The following SPIDR variants were observed in gnomAD, a reference collection of about 807,000 sequenced individuals.
The protein encoded by SPIDR is scaffold protein involved in DNA repair.
Under a neutral mutation model 104.6 loss-of-function variants are expected in SPIDR, and 93 were observed. The ratio of observed to expected loss-of-function variants is 0.89; its 90% CI spans 0.75 to 1.06. The LOEUF (loss-of-function observed/expected upper bound fraction) is 1.06. Ranked by LOEUF, SPIDR falls within the 50% of genes least tolerant of loss-of-function variation. The pLI, the probability that SPIDR is intolerant of heterozygous loss-of-function variation, is 0.00. For synonymous variants in SPIDR, 431 were observed against 416.9 expected (o/e 1.03, Z -0.41); for missense variants, 1,154 against 1,111.2 (o/e 1.04, Z -0.55).
intron 10 of SPIDR, chr8:47,654,114 G>A (rs1384697157): frequency 7.8e-7 from 1 of 1,289,846 alleles, no homozygotes; most frequent in Non-Finnish European, 1.0e-6. Context: ...GAGGCATGCA[G>A]GAGCCATTGG....
At position 47,656,238 on chromosome 8, in the gene SPIDR, G is replaced by A. The variant is rs527558919; in HGVS notation, c.1545-17563G>A. On this transcript the variant is annotated intron_variant, in intron 10 of 19. Transcript: ENST00000297423. ...CTTCATCGAAATTAAAAACTTTAAC[G>A]TCTCAAAAAACAAATTTGCAAATCA... Among the ~76,000 whole-genome samples the A allele has an allele frequency of 4.6e-5, 7 of 152,082 alleles. No individual in the cohort carries two copies. In the East Asian group the frequency reaches 5.8e-4, roughly 13 times the overall value.
intron 10 of SPIDR, among the ~76,000 whole-genome samples, chr8:47,628,070 G>T (rs1216267092): frequency 6.6e-6 from 1 of 152,104 alleles, no homozygotes; most frequent in African/African-American, 2.4e-5. Context: ...TTAAAATGCA[G>T]GAACTCCCTA....
chr8:47,673,798 C>CA lies in SPIDR; in HGVS notation c.1545-2dup, dbSNP rs1359275114. On this transcript the variant is annotated splice_polypyrimidine_tract_variant and splice_region_variant and intron_variant, in intron 10 of 19. Coordinates refer to ENST00000297423, the MANE Select transcript of SPIDR (RefSeq NM_001080394.4). ...AAAGACAAATGTGAATGGTTTTTTA[C>CA]AGAGCCTGCCTTCTGGTACAAGATG... 1 of 1,614,020 alleles carries CA rather than the reference C, an allele frequency of 6.2e-7. No individual in the cohort carries two copies. Among genetic ancestry groups the CA allele is most frequent in the South Asian group, 1.1e-5 (1 of 91,078 alleles).
At chr8:47,384,601 G>T (rs2059674494) in intron 5 of SPIDR, among the ~76,000 whole-genome samples, 1 of 152,122 alleles carries the variant, frequency 6.6e-6, no homozygotes, top group African/African-American at 2.4e-5. Flanking sequence ...TTCCCTTGAA[G>T]AAACTCTGCT....
intron 10 of SPIDR, among the ~76,000 whole-genome samples, chr8:47,613,880 T>C (rs1443588389): frequency 6.6e-6 from 1 of 152,212 alleles, no homozygotes; most frequent in East Asian, 1.9e-4. Context: ...TTATTTTAAG[T>C]TCCAGGTTAC....
intron 8 of SPIDR, among the ~76,000 whole-genome samples, chr8:47,549,880 A>C (rs2090155057): frequency 1.3e-5 from 2 of 152,112 alleles, no homozygotes; most frequent in South Asian, 4.1e-4. Flanking sequence ...GTTTTCTTCT[A>C]GGGTTTTTAT....
At chr8:47,568,934 A>G (rs2058207811) in intron 8 of SPIDR, among the ~76,000 whole-genome samples, 1 of 152,194 alleles carries the variant, frequency 6.6e-6, no homozygotes, top group Non-Finnish European at 1.5e-5. Flanking sequence ...TTAAAAATGG[A>G]AAAAATGTAA....
At chr8:47,601,477 C>T (rs975382199) in intron 10 of SPIDR, among the ~76,000 whole-genome samples, 1 of 152,120 alleles carries the variant, frequency 6.6e-6, no homozygotes, top group Non-Finnish European at 1.5e-5. Context: ...GGGCGGATCT[C>T]GAGGTCAGGG....
intron 8 of SPIDR, among the ~76,000 whole-genome samples, chr8:47,583,305 CAAAA>C (rs34756645): frequency 1.8e-5 from 2 of 111,134 alleles, no homozygotes; most frequent in Non-Finnish European, 1.8e-5. Context: ...GACTCCATCT[CAAAA>C]AAAAAAAAAA....
At chr8:47,504,802 A>C (rs2081213922) in intron 8 of SPIDR, among the ~76,000 whole-genome samples, 1 of 152,198 alleles carries the variant, frequency 6.6e-6, no homozygotes, top group South Asian at 2.1e-4. Context: ...AGTGACGTAC[A>C]GATGGGGTTT....
intron 8 of SPIDR, among the ~76,000 whole-genome samples, chr8:47,506,924 G>T (rs926222389): frequency 2.0e-5 from 3 of 152,196 alleles, no homozygotes; most frequent in Non-Finnish European, 4.4e-5. Context: ...GCTGAGCTCT[G>T]TGCAGGGAGG....
chr8:47,571,005 T>G (rs926560265), intron 8 of SPIDR, among the ~76,000 whole-genome samples: 8 of 151,608 alleles, frequency 5.3e-5, no homozygotes, highest in Non-Finnish European at 1.2e-4. Context: ...ACAGGAGAAT[T>G]GCTTGAACCC....
chr8:47,673,895 T>C lies in SPIDR; in HGVS notation c.1639T>C (p.Cys547Arg), dbSNP rs769395275. The C allele has an allele frequency of 6.8e-6, 11 of 1,614,040 alleles. No homozygotes were observed. The highest frequency in any genetic ancestry group is 2.2e-5 in the East Asian group (1 of 44,880). The part of the protein sequence containing the change: ...SKARQLEGKS[C>R]SLVGMKVLQK... ...GGCAAGACAGTTGGAAGGGAAGTCTTGCAGCCTGGTGGGAATGAAGGTTCT... is the reference window on the plus strand; with the variant it reads ...GGCAAGACAGTTGGAAGGGAAGTCTCGCAGCCTGGTGGGAATGAAGGTTCT... The change falls in exon 11 of 20, where the codon TGC becomes CGC. Residue 547 changes from cysteine (C) to arginine (R), a missense_variant. Physicochemically the swap from Cys to Arg is radical, Grantham distance 180. Coordinates refer to ENST00000297423, the MANE Select transcript of SPIDR (RefSeq NM_001080394.4).
chr8:47,690,139 G>A (rs957838580), intron 11 of SPIDR, among the ~76,000 whole-genome samples: 9 of 152,146 alleles, frequency 5.9e-5, no homozygotes, highest in African/African-American at 1.9e-4. Context: ...CCTCCACGCT[G>A]GTGAGCGAGT....
chr8:47,656,257 C>T (rs1259556804), intron 10 of SPIDR, among the ~76,000 whole-genome samples: 2 of 152,074 alleles, frequency 1.3e-5, no homozygotes, highest in African/African-American at 4.8e-5. Flanking sequence ...AACAAATTTG[C>T]AAATCACTAG....
chr8:47,348,569 C>T (rs977628620), intron 5 of SPIDR, among the ~76,000 whole-genome samples: 5 of 152,218 alleles, frequency 3.3e-5, no homozygotes, highest in Non-Finnish European at 7.3e-5. Flanking sequence ...TGGTTCCATT[C>T]TCCCTGTAAC....
At chr8:47,494,063 A>G (rs1248627122) in intron 8 of SPIDR, among the ~76,000 whole-genome samples, 1 of 151,644 alleles carries the variant, frequency 6.6e-6, no homozygotes, top group Non-Finnish European at 1.5e-5. Context: ...GTTATACCTC[A>G]CTGCAGCCTC....
In SPIDR at chr8:47,674,023, A is replaced by T. The variant is rs977128730; in HGVS notation, c.1685+82A>T. ...GTCTTTTGTCTCTAATTTTATTTTTAAAATTAAAAGGCAATAAACCAGGAT... is the reference window on the plus strand; with the variant it reads ...GTCTTTTGTCTCTAATTTTATTTTTTAAATTAAAAGGCAATAAACCAGGAT... On this transcript the variant is annotated intron_variant, in intron 11 of 19. Transcript: ENST00000297423. 6.7e-6 allele frequency: 10 copies of T among 1,490,446 alleles called. No individual in the cohort carries two copies. In the African/African-American group the frequency reaches 1.1e-4, roughly 17 times the overall value. 92.3% of individuals were successfully genotyped at this position (1,490,446 alleles called of 1,614,324 possible). A position where few individuals can be genotyped will look rare whatever the true frequency, so the allele number is the denominator to read the frequency against.
At chr8:47,343,795 A>G (rs2051268350) in intron 5 of SPIDR, among the ~76,000 whole-genome samples, 1 of 152,208 alleles carries the variant, frequency 6.6e-6, no homozygotes, top group South Asian at 2.1e-4. Context: ...AAGTTTCTAC[A>G]GTTAATTCTT....
Sources: gnomAD v4.1 joint callset for allele counts (sites outside exome capture counted in the v4.1 genomes callset) on GRCh38, gnomAD v4.1.1 for gene constraint, MANE v1.5 for transcripts, NCBI Gene and HGNC (gene_info 2026-07-23, HGNC 2026-07-21) for gene names.